The following EFR3B variants were observed in gnomAD, a reference collection of about 807,000 sequenced individuals.
The protein encoded by EFR3B is EFR3 homolog B.
A neutral mutation model predicts 104.7 loss-of-function variants in EFR3B; 64 were observed. That is an observed-to-expected ratio of 0.61 (90% CI 0.50 to 0.75). EFR3B has a LOEUF of 0.75. Ranked by LOEUF, EFR3B falls within the 30% of genes least tolerant of loss-of-function variation. EFR3B has a pLI of 0.00. For synonymous variants in EFR3B, 385 were observed against 417.9 expected, an observed-to-expected ratio of 0.92 and a Z score of 0.96; for missense variants, 750 against 1,078.5, an observed-to-expected ratio of 0.70 and a Z score of 4.27.
intron 1 of EFR3B, among the ~76,000 whole-genome samples, chr2:25,075,705 C>G (rs1668614640): frequency 6.6e-6 from 1 of 152,128 alleles, no homozygotes; most frequent in South Asian, 2.1e-4. Context: ...TACAAGTCAA[C>G]ATATTAGATA....
rs1206621292 is a variant in EFR3B, at chr2:25,130,004, A to G, written c.665A>G (p.Glu222Gly). ...SRSPSPLQAPEKEKESPAELA... is the reference protein window; with the variant it reads ...SRSPSPLQAPGKEKESPAELA... Reference sequence around the variant, plus strand: ...TCTCCCTCACCCCTCCAAGCACCTGAGAAGGAGAAAGAGAGCCCCGCGGAG... The same window carrying G: ...TCTCCCTCACCCCTCCAAGCACCTGGGAAGGAGAAAGAGAGCCCCGCGGAG... The change falls in exon 7 of 23, where the codon GAG (glutamate) becomes GGG (glycine). Residue 222 changes from glutamate to glycine, a missense_variant. Coordinates refer to ENST00000403714, the MANE Select transcript of EFR3B (RefSeq NM_014971.2). This position sits in a 1 kb window ranked among gnomAD's most constrained non-coding sequence, Gnocchi z 4.6. 8 of 1,551,622 alleles carry G rather than the reference A, an allele frequency of 5.2e-6. No individual in the cohort carries two copies. Among genetic ancestry groups the G allele is most frequent in the Non-Finnish European group, 7.0e-6 (8 of 1,147,002 alleles).
intron 19 of EFR3B, chr2:25,145,281 G>A: frequency 1.8e-6 from 1 of 558,230 alleles, no homozygotes; most frequent in Non-Finnish European, 3.2e-6. Context: ...ACTCACTCTT[G>A]AAAGGCCTGG....
intron 5 of EFR3B, among the ~76,000 whole-genome samples, chr2:25,127,191 C>CAAAAA (rs57818903): frequency 1.5e-4 from 8 of 51,716 alleles, no homozygotes; most frequent in Admixed American, 5.7e-4. Context: ...GACTCCACCT[C>CAAAAA]AAAAAAAAAA....
intron 5 of EFR3B, 36 bp downstream of exon 5, chr2:25,121,830 T>C: frequency 6.4e-7 from 1 of 1,551,632 alleles, no homozygotes; most frequent in African/African-American, 1.4e-5. Context: ...TGGTTCAGCT[T>C]ACAGCAGAAG....
At position 25,154,118 on chromosome 2, in the gene EFR3B, G is replaced by A. The variant is rs1671095977; in HGVS notation, c.2349-117G>A. 2.4e-6 allele frequency: 2 copies of A among 834,312 alleles called. No individual in the cohort carries two copies. Among genetic ancestry groups the A allele is most frequent in the Non-Finnish European group, 3.8e-6 (2 of 528,044 alleles). The allele number at this position is 834,312 out of a possible 1,614,324, so 51.7% of individuals were successfully genotyped here. A position where few individuals can be genotyped will look rare whatever the true frequency, so the allele number is the denominator to read the frequency against. On this transcript the variant is annotated intron_variant, in intron 22 of 22. Transcript: ENST00000403714. This position sits in a 1 kb window ranked among gnomAD's most constrained non-coding sequence, Gnocchi z 4.1. The stretch of plus-strand genomic sequence containing the variant: ...ATCCTGGGAACCTGTGGAATGAAGG[G>A]GTCTCTGGTGCCTGTGCAAAAAGAA...
chr2:25,143,888 G>A (rs1009085704), intron 18 of EFR3B, 26 bp downstream of exon 18: 32 of 1,547,460 alleles, frequency 2.1e-5, no homozygotes, highest in Middle Eastern at 1.7e-4. Context: ...AGGGATGCCC[G>A]GGCCTGCCTC....
intron 5 of EFR3B, among the ~76,000 whole-genome samples, chr2:25,122,009 C>T (rs1670031028): frequency 6.6e-6 from 1 of 151,718 alleles, no homozygotes; most frequent in African/African-American, 2.4e-5. Flanking sequence ...CTCTGTTGCC[C>T]AGGCTAGAGT....
chr2:25,080,526 C>T (rs1280877372), intron 1 of EFR3B: 6 of 482,856 alleles, frequency 1.2e-5, no homozygotes, highest in East Asian at 3.5e-5. Flanking sequence ...ACCTCCTGAC[C>T]TCAGGTATCT....
At chr2:25,057,753 C>G (rs1668062757) in intron 1 of EFR3B, among the ~76,000 whole-genome samples, 1 of 148,510 alleles carries the variant, frequency 6.7e-6, no homozygotes, top group Admixed American at 6.8e-5. Context: ...TTATTGCACT[C>G]CATCCTGAGC....
intron 1 of EFR3B, among the ~76,000 whole-genome samples, chr2:25,084,742 C>T (rs571911504): frequency 1.7e-4 from 26 of 152,178 alleles, no homozygotes; most frequent in East Asian, 3.9e-4. Flanking sequence ...GAGGCGAAGG[C>T]GGAACGACTC....
Position 25,131,503 on chromosome 2 carries a change from G to T in EFR3B, c.985G>T (p.Gly329Trp). The change falls in exon 9 of 23, where the codon GGG (glycine) becomes TGG (tryptophan). Residue 329 changes from glycine to tryptophan, a missense_variant and splice_region_variant. Gly to Trp is a radical substitution (Grantham distance 184, BLOSUM62 -2). Transcript: ENST00000403714. The surrounding 1 kb of genome is among the most constrained non-coding windows in gnomAD (Gnocchi z 7.6). ...GGTCATCGCTGCCACCGGCTCTGTG[G>T]GTAAGGGGCATGGCTAGGGCCTGAG... is the stretch of plus-strand genomic sequence containing the variant. ...AAVIAATGSV[G>W]PTVLEMFNTL... 1 of 1,549,266 alleles carries T rather than the reference G, an allele frequency of 6.5e-7. No individual in the cohort carries two copies.
intron 4 of EFR3B, among the ~76,000 whole-genome samples, chr2:25,107,672 A>G (rs1669603268): frequency 6.6e-6 from 1 of 151,536 alleles, no homozygotes; most frequent in African/African-American, 2.4e-5. Context: ...CCCTCATTCC[A>G]TATAGATATT....
chr2:25,080,769 A>G, intron 1 of EFR3B: 1 of 1,287,378 alleles, frequency 7.8e-7, no homozygotes, highest in South Asian at 1.2e-5. Context: ...GTTAGGCTGA[A>G]TTAGAGTCAA....
intron 1 of EFR3B, among the ~76,000 whole-genome samples, chr2:25,073,605 C>T (rs1668553678): frequency 6.6e-6 from 1 of 152,146 alleles, no homozygotes; most frequent in South Asian, 2.1e-4. Context: ...AATCCACCTG[C>T]CTCGGTCTCC....
chr2:25,127,904 A>G (rs2149203700), intron 5 of EFR3B, among the ~76,000 whole-genome samples: 1 of 152,262 alleles, frequency 6.6e-6, no homozygotes, highest in Non-Finnish European at 1.5e-5. Context: ...AGTACTAAAG[A>G]TGGGGAGCTG....
intron 5 of EFR3B, among the ~76,000 whole-genome samples, chr2:25,124,492 C>T (rs538254496): frequency 2.6e-5 from 4 of 151,140 alleles, no homozygotes; most frequent in East Asian, 2.0e-4. Flanking sequence ...TTTGGGAGGC[C>T]GAGCGGGGCG....
At chr2:25,093,505 GA>G (rs924679315) in intron 3 of EFR3B, among the ~76,000 whole-genome samples, 34 of 146,278 alleles carry the variant, frequency 2.3e-4, no homozygotes, top group African/African-American at 3.3e-4. Context: ...CTCAAAAAAA[GA>G]AAAAAAAAAG....
chr2:25,120,900 G>GTTTGTT (rs918410851), intron 4 of EFR3B, among the ~76,000 whole-genome samples: 1 of 152,006 alleles, frequency 6.6e-6, no homozygotes, highest in Non-Finnish European at 1.5e-5. Context: ...CATTGTTTTT[G>GTTTGTT]TTTGTTTTTG....
intron 4 of EFR3B, among the ~76,000 whole-genome samples, chr2:25,118,053 T>C (rs1337243149): frequency 1.3e-5 from 2 of 152,162 alleles, no homozygotes; most frequent in Non-Finnish European, 2.9e-5. Flanking sequence ...GATCTTGGCT[T>C]ACTACAACCT....
Sources: gnomAD v4.1 joint callset for allele counts (sites outside exome capture counted in the v4.1 genomes callset) on GRCh38, gnomAD v4.1.1 for gene constraint, Gnocchi (gnomAD v3.1) non-coding constraint, MANE v1.5 for transcripts, NCBI Gene and HGNC (gene_info 2026-07-23, HGNC 2026-07-21) for gene names.